SNX6: variants seen among roughly 807,000 people sequenced by gnomAD.
SNX6 encodes sorting nexin-6.
In SNX6, 34 loss-of-function variants were observed where a neutral mutation model predicts 63.0. The ratio of observed to expected loss-of-function variants is 0.54; its 90% CI spans 0.41 to 0.72. The LOEUF (loss-of-function observed/expected upper bound fraction) is 0.72, where lower values mean the gene tolerates loss of function less well. Among genes scored for constraint, SNX6 ranks in the 30% least tolerant of loss-of-function variants. The pLI, the probability that SNX6 is intolerant of heterozygous loss-of-function variation, is 0.00. For synonymous variants in SNX6, 170 were observed against 164.2 expected, an observed-to-expected ratio of 1.04 and a Z score of -0.27; for missense variants, 398 against 471.4, an observed-to-expected ratio of 0.84 and a Z score of 1.44.
chr14:34,571,542 A>G (rs1330879131), intron 11 of SNX6, among the ~76,000 whole-genome samples: 3 of 152,228 alleles, frequency 2.0e-5, no homozygotes, highest in Non-Finnish European at 4.4e-5. Flanking sequence ...TTCCAACTAT[A>G]TAACATTCTA....
intron 8 of SNX6, among the ~76,000 whole-genome samples, chr14:34,587,002 CTG>C (rs760819028): frequency 1.9e-3 from 160 of 83,248 alleles, no homozygotes; most frequent in Non-Finnish European, 3.1e-3. Context: ...GAGCAAGACT[CTG>C]TCTCAAAAAA....
chr14:34,623,141 T>C (rs572991796), intron 2 of SNX6, among the ~76,000 whole-genome samples: 7 of 152,224 alleles, frequency 4.6e-5, no homozygotes, highest in Admixed American at 4.6e-4. Context: ...ATAATATATG[T>C]CACATTTTTA....
At chr14:34,573,707 C>T (rs1417501692) in intron 11 of SNX6, among the ~76,000 whole-genome samples, 6 of 151,684 alleles carry the variant, frequency 4.0e-5, no homozygotes, top group African/African-American at 1.2e-4. Context: ...GGCGCGGTCT[C>T]GGCTCACTGC....
At chr14:34,569,285 C>T (rs1281156180) in intron 11 of SNX6, among the ~76,000 whole-genome samples, 4 of 152,150 alleles carry the variant, frequency 2.6e-5, no homozygotes, top group Non-Finnish European at 4.4e-5. Context: ...TCACCATAAT[C>T]GATTTTAGAA....
intron 2 of SNX6, among the ~76,000 whole-genome samples, chr14:34,628,636 CAAAT>C (rs1042800478): frequency 2.6e-5 from 4 of 152,056 alleles, no homozygotes; most frequent in African/African-American, 9.7e-5. Flanking sequence ...CTCATAAAAC[CAAAT>C]AAATAAATAA....
chr14:34,575,431 G>A (rs902271320), intron 11 of SNX6, among the ~76,000 whole-genome samples: 11 of 152,010 alleles, frequency 7.2e-5, no homozygotes, highest in Admixed American at 2.0e-4. Context: ...AACTCCTGAC[G>A]TCAGGTGATC....
chr14:34,628,744 T>C (rs1883923957), intron 2 of SNX6, among the ~76,000 whole-genome samples: 1 of 152,326 alleles, frequency 6.6e-6, no homozygotes, highest in East Asian at 1.9e-4. Flanking sequence ...CTACCAAATA[T>C]GCACTAACAG....
intron 7 of SNX6, among the ~76,000 whole-genome samples, chr14:34,596,414 T>C (rs1056569360): frequency 6.6e-6 from 1 of 150,638 alleles, no homozygotes; most frequent in Non-Finnish European, 1.5e-5. Context: ...AGGTCAAGAG[T>C]TCGAGACCAG....
intron 9 of SNX6, 88 bp from the exon 10 acceptor site, chr14:34,581,688 A>G (rs189921636): frequency 5.4e-6 from 4 of 743,008 alleles, no homozygotes; most frequent in African/African-American, 3.4e-5. Flanking sequence ...AACCATATTA[A>G]TAACACCTTG....
chr14:34,575,027 G>C (rs1451688594), intron 11 of SNX6, among the ~76,000 whole-genome samples: 1 of 151,468 alleles, frequency 6.6e-6, no homozygotes, highest in African/African-American at 2.4e-5. Flanking sequence ...AAGTAGCTGG[G>C]ACTACAGGCG....
chr14:34,581,985 C>G (rs371139377), intron 9 of SNX6, among the ~76,000 whole-genome samples: 1 of 151,982 alleles, frequency 6.6e-6, no homozygotes, highest in Admixed American at 6.6e-5. Flanking sequence ...CCCGCCACCA[C>G]GCCTAGCTAA....
intron 13 of SNX6, among the ~76,000 whole-genome samples, chr14:34,566,414 T>C (rs1258544834): frequency 1.3e-5 from 2 of 152,128 alleles, no homozygotes; most frequent in East Asian, 1.9e-4. Context: ...GGTTTCACCA[T>C]GTTGGCCAGG....
At chr14:34,572,709 C>A (rs1326783612) in intron 11 of SNX6, among the ~76,000 whole-genome samples, 1 of 151,298 alleles carries the variant, frequency 6.6e-6, no homozygotes, top group Admixed American at 6.6e-5. Context: ...GAGATGGAGT[C>A]TCGCTCTGTC....
chr14:34,597,373 G>A (rs1882646192), intron 7 of SNX6, among the ~76,000 whole-genome samples, 177 bp downstream of exon 7: 1 of 152,196 alleles, frequency 6.6e-6, no homozygotes, highest in South Asian at 2.1e-4. Context: ...ATCCGTTGCA[G>A]AAGGGAACGC....
At chr14:34,603,234 T>G in intron 6 of SNX6, 114 bp downstream of exon 6, 1 of 980,916 alleles carries the variant, frequency 1.0e-6, no homozygotes, top group Non-Finnish European at 1.4e-6. Flanking sequence ...GCCAAGATCA[T>G]GCCACTATGC....
chr14:34,576,453 T>TA (rs201315469), intron 10 of SNX6, among the ~76,000 whole-genome samples: 664 of 3,486 alleles, frequency 0.19, 3 homozygotes, highest in East Asian at 0.33. Context: ...TATATATATA[T>TA]TTTTTTTTTT....
At chr14:34,613,629 A>T (rs915900618) in intron 2 of SNX6, among the ~76,000 whole-genome samples, 1 of 151,176 alleles carries the variant, frequency 6.6e-6, no homozygotes, top group African/African-American at 2.4e-5. Flanking sequence ...CGTCTCTACT[A>T]AAAATACAAA....
At chr14:34,601,633 C>T (rs1035948290) in intron 6 of SNX6, among the ~76,000 whole-genome samples, 11 of 151,742 alleles carry the variant, frequency 7.2e-5, no homozygotes, top group African/African-American at 2.4e-4. Flanking sequence ...TCAGTCTTGT[C>T]CCCCAGGCTG....
At chr14:34,586,668 A>C (rs1882169493) in intron 8 of SNX6, among the ~76,000 whole-genome samples, 1 of 152,026 alleles carries the variant, frequency 6.6e-6, no homozygotes, top group South Asian at 2.1e-4. Flanking sequence ...AGATCACGCC[A>C]CCGCACTCCA....
Sources: gnomAD v4.1 joint callset for allele counts (sites outside exome capture counted in the v4.1 genomes callset) on GRCh38, gnomAD v4.1.1 for gene constraint, MANE v1.5 for transcripts, NCBI Gene and HGNC (gene_info 2026-07-23, HGNC 2026-07-21) for gene names.